GRAP2: variants seen among roughly 807,000 people sequenced by gnomAD.
GRAP2 encodes the protein GRB2 related adaptor protein 2.
In GRAP2, 31 loss-of-function variants were observed where a neutral mutation model predicts 43.5. The ratio of observed to expected loss-of-function variants is 0.71; its 90% CI spans 0.54 to 0.96. The LOEUF (loss-of-function observed/expected upper bound fraction) is 0.96, where lower values mean the gene tolerates loss of function less well. Ranked by LOEUF, GRAP2 falls within the 40% of genes least tolerant of loss-of-function variation. The pLI, the probability that GRAP2 is intolerant of heterozygous loss-of-function variation, is 0.00. For missense variants in GRAP2, 371 were observed against 424.4 expected (o/e 0.87, Z 1.11); for synonymous variants, 156 against 164.8 (o/e 0.95, Z 0.41).
intron 1 of GRAP2, among the ~76,000 whole-genome samples, chr22:39,939,699 A>G (rs2066846514): frequency 6.6e-6 from 1 of 152,144 alleles, no homozygotes; most frequent in Non-Finnish European, 1.5e-5. Context: ...ATCTGAGGTC[A>G]GGAGTTCAAG....
Position 39,951,710 on chromosome 22 carries a change from GAGA to G in GRAP2, c.79-4104_79-4102del, listed in dbSNP as rs1219248634. On this transcript the variant is annotated intron_variant, in intron 2 of 7. Transcript: ENST00000344138. ...GGGGGAACCGAACAGATGGAGAGATGAGAAGAACAGGAAGTGTGGGGCCCTGGG... is the reference window on the plus strand; with the variant it reads ...GGGGGAACCGAACAGATGGAGAGATGAGAACAGGAAGTGTGGGGCCCTGGG... Among the ~76,000 whole-genome samples the G allele has an allele frequency of 3.9e-5, 6 of 152,278 alleles. No individual in the cohort carries two copies. The East Asian group carries it at 1.2e-3, about 29-fold the overall frequency.
chr22:39,934,903 A>G (rs954155006), intron 1 of GRAP2, among the ~76,000 whole-genome samples: 3 of 152,236 alleles, frequency 2.0e-5, no homozygotes, highest in African/African-American at 7.2e-5. Flanking sequence ...AAACCAGCCA[A>G]CAGTGTAACA....
chr22:39,950,923 C>G (rs915912657), intron 2 of GRAP2, among the ~76,000 whole-genome samples: 3 of 152,234 alleles, frequency 2.0e-5, no homozygotes, highest in African/African-American at 4.8e-5. Context: ...CCTGACTACC[C>G]CAGCAATTCG....
chr22:39,962,474 A>G (rs1372520499), intron 4 of GRAP2, among the ~76,000 whole-genome samples: 1 of 152,068 alleles, frequency 6.6e-6, no homozygotes, highest in Admixed American at 6.5e-5. Context: ...TATTAGAAAA[A>G]ACAATTATAC....
At position 39,938,661 on chromosome 22, in the gene GRAP2, C is replaced by T. The variant is rs368581306; in HGVS notation, c.-14-8432C>T. On this transcript the variant is annotated intron_variant, in intron 1 of 7. Coordinates refer to ENST00000344138, the MANE Select transcript of GRAP2 (RefSeq NM_004810.4). ...CCCAGATGGGGAAGAGAGAACAGCA[C>T]ACCTCTCCTGCCCACGCCTCGGTAT... 1.7e-3 allele frequency among the ~76,000 whole-genome samples: 264 copies of T among 152,364 alleles called. 2 individuals carry two copies. Among genetic ancestry groups the T allele is most frequent in the African/African-American group, 5.6e-3 (232 of 41,596 alleles).
chr22:39,949,120 C>T (rs530187984), intron 2 of GRAP2, among the ~76,000 whole-genome samples: 4 of 152,254 alleles, frequency 2.6e-5, no homozygotes, highest in East Asian at 1.9e-4. Flanking sequence ...CAGCCCCTAA[C>T]TCAGGATGCC....
intron 1 of GRAP2, chr22:39,926,710 T>C: frequency 1.0e-6 from 1 of 985,402 alleles, no homozygotes; most frequent in Non-Finnish European, 1.2e-6. Context: ...GGATTGGTTT[T>C]TTTTCCACTG....
chr22:39,952,032 T>G (rs1160888044), intron 2 of GRAP2, among the ~76,000 whole-genome samples: 1 of 151,092 alleles, frequency 6.6e-6, no homozygotes, highest in Non-Finnish European at 1.5e-5. Flanking sequence ...TTTTTTTTTT[T>G]TTTTTTCTTT....
chr22:39,898,781 C>T (rs2066475272), upstream of GRAP2, among the ~76,000 whole-genome samples: 1 of 152,142 alleles, frequency 6.6e-6, no homozygotes, highest in Non-Finnish European at 1.5e-5. Flanking sequence ...TCACTGTACT[C>T]TAGCCTGGGC....
At chr22:39,897,058 A>G (rs554162550), upstream of GRAP2, among the ~76,000 whole-genome samples, 4 of 152,256 alleles carry the variant, frequency 2.6e-5, no homozygotes, top group African/African-American at 9.6e-5. Context: ...AGTGTTATCC[A>G]CTTGCAAAGC....
intron 1 of GRAP2, among the ~76,000 whole-genome samples, chr22:39,935,439 G>A (rs1018271171): frequency 6.6e-6 from 1 of 152,068 alleles, no homozygotes; most frequent in African/African-American, 2.4e-5. Flanking sequence ...CAAGTAAAAA[G>A]AAAGAGAACT....
At chr22:39,915,056 G>A (rs935538113) in intron 1 of GRAP2, among the ~76,000 whole-genome samples, 2 of 151,530 alleles carry the variant, frequency 1.3e-5, no homozygotes, top group African/African-American at 4.9e-5. Context: ...GGATGTGGTG[G>A]TGGGTGCCTG....
chr22:39,926,571 T>G, intron 1 of GRAP2: 1 of 983,466 alleles, frequency 1.0e-6, no homozygotes, highest in Non-Finnish European at 1.2e-6. Context: ...TTTTTCTACA[T>G]GCTCTAGCTG....
At chr22:39,928,307 G>C (rs2066724989) in intron 1 of GRAP2, among the ~76,000 whole-genome samples, 1 of 152,204 alleles carries the variant, frequency 6.6e-6, no homozygotes, top group African/African-American at 2.4e-5. Flanking sequence ...AAAATACTGG[G>C]ACTTCTCTCA....
At chr22:39,935,275 G>A (rs1355886515) in intron 1 of GRAP2, among the ~76,000 whole-genome samples, 1 of 152,070 alleles carries the variant, frequency 6.6e-6, no homozygotes, top group Admixed American at 6.6e-5. Context: ...TTGATTCAAC[G>A]TAAACAATTC....
chr22:39,955,445 T>C (rs2067038432), intron 2 of GRAP2, among the ~76,000 whole-genome samples: 1 of 152,078 alleles, frequency 6.6e-6, no homozygotes, highest in Admixed American at 6.5e-5. Context: ...GAGTAACCAT[T>C]CTTCCTTCTC....
chr22:39,908,530 G>A (rs2066538172), intron 1 of GRAP2, among the ~76,000 whole-genome samples: 1 of 152,130 alleles, frequency 6.6e-6, no homozygotes, highest in Non-Finnish European at 1.5e-5. Flanking sequence ...TTCTAAAGAG[G>A]TTATGCCTTT....
At chr22:39,922,530 T>A (rs905936314) in intron 1 of GRAP2, among the ~76,000 whole-genome samples, 2 of 152,182 alleles carry the variant, frequency 1.3e-5, no homozygotes, top group Non-Finnish European at 2.9e-5. Context: ...CTAGGAGGCC[T>A]GAGCTTTATC....
At chr22:39,955,249 T>G (rs1375872258) in intron 2 of GRAP2, among the ~76,000 whole-genome samples, 1 of 151,994 alleles carries the variant, frequency 6.6e-6, no homozygotes, top group African/African-American at 2.4e-5. Context: ...TCCCAGCTAC[T>G]CAGGAGGCTG....
Sources: gnomAD v4.1 joint callset for allele counts (sites outside exome capture counted in the v4.1 genomes callset) on GRCh38, gnomAD v4.1.1 for gene constraint, MANE v1.5 for transcripts, NCBI Gene and HGNC (gene_info 2026-07-23, HGNC 2026-07-21) for gene names.